The following GABRB1 variants were observed in gnomAD, a reference collection of about 807,000 sequenced individuals.
The protein encoded by GABRB1 is gamma-aminobutyric acid receptor subunit beta-1.
In GABRB1, 17 loss-of-function variants were observed where a neutral mutation model predicts 51.6. The ratio of observed to expected loss-of-function variants is 0.33; its 90% CI spans 0.23 to 0.49. The LOEUF (loss-of-function observed/expected upper bound fraction) is 0.49. Among genes scored for constraint, GABRB1 ranks in the 20% least tolerant of loss-of-function variants. GABRB1 has a pLI of 0.99. For missense variants in GABRB1, 410 were observed against 600.6 expected, an observed-to-expected ratio of 0.68 and a Z score of 3.32; for synonymous variants, 247 against 218.9, an observed-to-expected ratio of 1.13 and a Z score of -1.14.
chr4:47,338,920 A>C (rs920531136), intron 5 of GABRB1, among the ~76,000 whole-genome samples: 1 of 152,178 alleles, frequency 6.6e-6, no homozygotes, highest in Non-Finnish European at 1.5e-5. Context: ...CATTTTCCAA[A>C]AATATCCATT....
At chr4:47,164,053 C>A (rs1294084205) in intron 4 of GABRB1, among the ~76,000 whole-genome samples, 1 of 151,844 alleles carries the variant, frequency 6.6e-6, no homozygotes, top group Non-Finnish European at 1.5e-5. Flanking sequence ...GGGGGAGGAA[C>A]CCCATACTTA....
chr4:47,078,459 G>A (rs1727670298), intron 3 of GABRB1, among the ~76,000 whole-genome samples: 1 of 151,964 alleles, frequency 6.6e-6, no homozygotes, highest in African/African-American at 2.4e-5. Context: ...TTTATTCAAA[G>A]TAATCTTAGC....
intron 3 of GABRB1, among the ~76,000 whole-genome samples, chr4:47,104,616 C>T (rs1426385294): frequency 6.6e-6 from 1 of 151,326 alleles, no homozygotes. Context: ...TTCTTTTTTG[C>T]TGTCTTACTC....
At chr4:47,245,090 G>A (rs1265990547) in intron 4 of GABRB1, among the ~76,000 whole-genome samples, 3 of 152,094 alleles carry the variant, frequency 2.0e-5, no homozygotes, top group Non-Finnish European at 4.4e-5. Context: ...AAAATTGATA[G>A]ACCGCTAGCA....
intron 4 of GABRB1, among the ~76,000 whole-genome samples, chr4:47,242,951 A>T (rs2109851225): frequency 6.6e-6 from 1 of 152,298 alleles, no homozygotes; most frequent in Admixed American, 6.5e-5. Context: ...TTAGACATGA[A>T]GTCTTTGCCC....
chr4:47,100,015 A>G (rs1021787678), intron 3 of GABRB1, among the ~76,000 whole-genome samples: 2 of 152,042 alleles, frequency 1.3e-5, no homozygotes, highest in Admixed American at 1.3e-4. Context: ...AATATAATAA[A>G]GAAAAAAAGA....
intron 4 of GABRB1, among the ~76,000 whole-genome samples, chr4:47,318,428 A>ACAT (rs143110950): frequency 4.6e-5 from 7 of 151,898 alleles, no homozygotes; most frequent in Non-Finnish European, 7.4e-5. Flanking sequence ...GCAAAATACA[A>ACAT]CATCATCATC....
At chr4:47,302,995 A>G (rs1724318752) in intron 4 of GABRB1, among the ~76,000 whole-genome samples, 1 of 151,936 alleles carries the variant, frequency 6.6e-6, no homozygotes, top group Admixed American at 6.6e-5. Flanking sequence ...TTAACAATGT[A>G]TGTGCTATGT....
At chr4:47,184,128 A>G (rs1354526897) in intron 4 of GABRB1, among the ~76,000 whole-genome samples, 1 of 151,914 alleles carries the variant, frequency 6.6e-6, no homozygotes, top group Non-Finnish European at 1.5e-5. Context: ...TGGTCACTCT[A>G]ATAATCTGCT....
intron 8 of GABRB1, 73 bp from the exon 9 acceptor site, chr4:47,425,601 C>T: frequency 1.7e-6 from 2 of 1,145,336 alleles, no homozygotes; most frequent in Non-Finnish European, 2.5e-6. Flanking sequence ...TATGGGGTAT[C>T]ATTAGTAACA....
At chr4:47,095,883 T>C (rs1038045820) in intron 3 of GABRB1, among the ~76,000 whole-genome samples, 2 of 152,234 alleles carry the variant, frequency 1.3e-5, no homozygotes, top group South Asian at 4.1e-4. Context: ...ACTTTTATCT[T>C]GGGCATTAAA....
At chr4:47,263,983 A>T (rs1722551368) in intron 4 of GABRB1, among the ~76,000 whole-genome samples, 1 of 151,986 alleles carries the variant, frequency 6.6e-6, no homozygotes, top group Non-Finnish European at 1.5e-5. Flanking sequence ...AAAAAATAAA[A>T]AAAAAAAAAT....
chr4:47,183,938 G>T (rs996514409), intron 4 of GABRB1, among the ~76,000 whole-genome samples: 1 of 151,842 alleles, frequency 6.6e-6, no homozygotes, highest in Non-Finnish European at 1.5e-5. Flanking sequence ...TCTTCACTCA[G>T]TTAGTCTCCC....
Position 47,113,386 on chromosome 4 carries a change from C to CAAA in GABRB1, c.241-47847_241-47845dup, listed in dbSNP as rs760542350. 3.1e-3 allele frequency among the ~76,000 whole-genome samples: 335 copies of CAAA among 107,036 alleles called. 9 individuals are homozygous for CAAA. The highest frequency in any genetic ancestry group is 9.4e-3 in the African/African-American group (287 of 30,548). The allele number at this position is 107,036 out of a possible 152,430, so 70.2% of individuals were successfully genotyped here. A position where few individuals can be genotyped will look rare whatever the true frequency, so the allele number is the denominator to read the frequency against. ...GGGTGACAGAGTGAGACTTCGTCTC[C>CAAA]AAAAAAAAAAAAAAAAAATCATTTA... On this transcript the variant is annotated intron_variant, in intron 3 of 8. Coordinates refer to ENST00000295454, the MANE Select transcript of GABRB1 (RefSeq NM_000812.4).
At chr4:47,224,716 G>C (rs1040607558) in intron 4 of GABRB1, among the ~76,000 whole-genome samples, 1 of 152,084 alleles carries the variant, frequency 6.6e-6, no homozygotes, top group African/African-American at 2.4e-5. Flanking sequence ...ACAGCTCAGA[G>C]GAGGCTAACT....
Position 47,124,042 on chromosome 4 carries a change from A to T in GABRB1, c.241-37207A>T, listed in dbSNP as rs78301642. Among the ~76,000 whole-genome samples the T allele has an allele frequency of 1.6e-3, 224 of 142,280 alleles. 2 individuals are homozygous for T. The highest frequency in any genetic ancestry group is 5.6e-3 in the African/African-American group (212 of 38,100). 93.3% of individuals were successfully genotyped at this position (142,280 alleles called of 152,430 possible). A position where few individuals can be genotyped will look rare whatever the true frequency, so the allele number is the denominator to read the frequency against. Reference sequence around the variant, plus strand: ...TTCTGGCATATATATACCTGAAAAAAATATATATATACACATCTAACTATA... The same window carrying T: ...TTCTGGCATATATATACCTGAAAAATATATATATATACACATCTAACTATA... On this transcript the variant is annotated intron_variant, in intron 3 of 8. Coordinates refer to ENST00000295454, the MANE Select transcript of GABRB1 (RefSeq NM_000812.4).
intron 3 of GABRB1, among the ~76,000 whole-genome samples, chr4:47,106,153 T>C (rs1714960888): frequency 1.3e-5 from 2 of 152,214 alleles, no homozygotes; most frequent in South Asian, 2.1e-4. Flanking sequence ...TACGTAAAAA[T>C]AGGTTTTTAT....
intron 3 of GABRB1, among the ~76,000 whole-genome samples, chr4:47,145,654 G>T (rs965302175): frequency 2.0e-5 from 3 of 151,974 alleles, no homozygotes; most frequent in Non-Finnish European, 2.9e-5. Flanking sequence ...TTTCTAGTCA[G>T]GTAATCTTGC....
intron 1 of GABRB1, among the ~76,000 whole-genome samples, chr4:47,006,457 G>A (rs1273675531): frequency 1.3e-5 from 2 of 152,126 alleles, no homozygotes; most frequent in East Asian, 1.9e-4. Flanking sequence ...TATAGGTCAG[G>A]TACATCTATT....
Sources: gnomAD v4.1 joint callset for allele counts (sites outside exome capture counted in the v4.1 genomes callset) on GRCh38, gnomAD v4.1.1 for gene constraint, MANE v1.5 for transcripts, NCBI Gene and HGNC (gene_info 2026-07-23, HGNC 2026-07-21) for gene names.